The following MYO10 variants were observed in gnomAD, a reference collection of about 807,000 sequenced individuals.
The protein encoded by MYO10 is myosin X.
MYO10 carries 133 observed loss-of-function variants against 257.3 expected under a neutral mutation model. The ratio of observed to expected loss-of-function variants is 0.52; its 90% CI spans 0.45 to 0.60. The LOEUF is 0.60. MYO10 is among the 20% of genes least tolerant of loss of function. The pLI, the probability that MYO10 is intolerant of heterozygous loss-of-function variation, is 0.00. For synonymous variants in MYO10, 1,104 were observed against 1,028.6 expected (o/e 1.07, Z -1.40); for missense variants, 2,399 against 2,635.7 (o/e 0.91, Z 1.97).
At chr5:16,680,823 G>T (rs1337156850) in intron 32 of MYO10, among the ~76,000 whole-genome samples, 1 of 152,044 alleles carries the variant, frequency 6.6e-6, no homozygotes, top group Admixed American at 6.6e-5. Flanking sequence ...GCAAAACCTG[G>T]TCTCCACCAA....
chr5:16,776,302 TTC>T (rs1648914570), intron 9 of MYO10, among the ~76,000 whole-genome samples: 1 of 151,832 alleles, frequency 6.6e-6, no homozygotes, highest in Non-Finnish European at 1.5e-5. Flanking sequence ...ACTTTTTTTT[TTC>T]TTTTTCTTTT....
At chr5:16,707,292 GT>G (rs1344511821) in intron 21 of MYO10, among the ~76,000 whole-genome samples, 1 of 152,152 alleles carries the variant, frequency 6.6e-6, no homozygotes, top group Non-Finnish European at 1.5e-5. Flanking sequence ...TACAGAAAGT[GT>G]TTCTGTGAGC....
intron 2 of MYO10, among the ~76,000 whole-genome samples, chr5:16,849,614 G>T (rs1377156987): frequency 2.6e-5 from 4 of 152,160 alleles, no homozygotes; most frequent in African/African-American, 9.7e-5. Flanking sequence ...CCAAATCCTA[G>T]CTGCATGATT....
At chr5:16,762,211 G>A (rs1368145159) in intron 15 of MYO10, 98 bp from the exon 16 acceptor site, 5 of 1,377,762 alleles carry the variant, frequency 3.6e-6, no homozygotes, top group Non-Finnish European at 4.7e-6. Context: ...AAAAGACAGT[G>A]AAAATCATTT....
intron 1 of MYO10, among the ~76,000 whole-genome samples, chr5:16,932,924 C>G (rs927638091): frequency 6.6e-6 from 1 of 152,182 alleles, no homozygotes; most frequent in South Asian, 2.1e-4. Context: ...CATACCACCA[C>G]ACTCAGCTAA....
chr5:16,827,052 A>C (rs1743021281), intron 2 of MYO10, among the ~76,000 whole-genome samples: 1 of 152,180 alleles, frequency 6.6e-6, no homozygotes, highest in Admixed American at 6.5e-5. Context: ...ACCTAACTGC[A>C]AATCTGCCTT....
intron 1 of MYO10, among the ~76,000 whole-genome samples, chr5:16,931,881 T>A (rs985154662): frequency 1.3e-5 from 2 of 152,182 alleles, no homozygotes; most frequent in Admixed American, 1.3e-4. Flanking sequence ...TCCACATTTT[T>A]CTCTAACAAG....
chr5:16,879,751 C>T (rs1391390044), intron 1 of MYO10, among the ~76,000 whole-genome samples: 1 of 152,232 alleles, frequency 6.6e-6, no homozygotes, highest in Non-Finnish European at 1.5e-5. Flanking sequence ...ACAGAGTCAC[C>T]TTAAATGGCC....
chr5:16,736,209 G>A (rs898506569), intron 19 of MYO10, among the ~76,000 whole-genome samples: 1 of 152,184 alleles, frequency 6.6e-6, no homozygotes, highest in African/African-American at 2.4e-5. Flanking sequence ...GCTGTGAGCA[G>A]GCAAGGTGAG....
chr5:16,740,832 T>G (rs1171160593), intron 19 of MYO10, among the ~76,000 whole-genome samples: 1 of 151,982 alleles, frequency 6.6e-6, no homozygotes, highest in Non-Finnish European at 1.5e-5. Flanking sequence ...TTTGCCTCTT[T>G]CTTATGAGGG....
At chr5:16,762,401 G>C (rs1346987879) in intron 15 of MYO10, 144 bp downstream of exon 15, 3 of 740,954 alleles carry the variant, frequency 4.0e-6, no homozygotes, top group Non-Finnish European at 6.5e-6. Flanking sequence ...TTTAGTTCTA[G>C]TAATAGAAGA....
chr5:16,794,568 C>G, intron 4 of MYO10, 78 bp downstream of exon 4: 11 of 1,377,416 alleles, frequency 8.0e-6, no homozygotes, highest in Non-Finnish European at 1.1e-5. Context: ...GGTTAATGCC[C>G]TAAGGAGGCT....
chr5:16,676,979 A>G (rs1040721150), intron 33 of MYO10, among the ~76,000 whole-genome samples: 1 of 152,204 alleles, frequency 6.6e-6, no homozygotes, highest in Non-Finnish European at 1.5e-5. Context: ...GCTGTTTTCT[A>G]TTCTCTCTAT....
chr5:16,772,020 C>A (rs1017747880), intron 9 of MYO10, among the ~76,000 whole-genome samples: 10 of 152,052 alleles, frequency 6.6e-5, no homozygotes, highest in Middle Eastern at 3.4e-3. Context: ...GAAAAAAAAC[C>A]TTTAGAAAAC....
At chr5:16,751,769 C>T (rs1483510041) in intron 19 of MYO10, among the ~76,000 whole-genome samples, 3 of 152,054 alleles carry the variant, frequency 2.0e-5, no homozygotes, top group Non-Finnish European at 2.9e-5. Flanking sequence ...CCGCCCCCAC[C>T]GCTCCCAGCC....
Position 16,676,171 on chromosome 5 carries a change from C to G in MYO10, c.4543-17G>C. ...GCAGTTCTCCTAAAAATAAAGCAAG[C>G]AAGCTTATTGTAAGAAACCTGTATT... On this transcript the variant is annotated splice_polypyrimidine_tract_variant and intron_variant, in intron 33 of 40. Coordinates refer to ENST00000513610, the MANE Select transcript of MYO10 (RefSeq NM_012334.3). 6.2e-7 allele frequency: 1 copy of G among 1,610,382 alleles called. No homozygotes were observed. Among genetic ancestry groups the G allele is most frequent in the South Asian group, 1.1e-5 (1 of 90,162 alleles).
intron 19 of MYO10, among the ~76,000 whole-genome samples, chr5:16,730,487 G>A (rs1241116141): frequency 6.6e-6 from 1 of 152,160 alleles, no homozygotes; most frequent in African/African-American, 2.4e-5. Context: ...TGGAGATATT[G>A]CAAGGCTTGT....
At chr5:16,792,132 CAGAGAGAGAGAG>C (rs1553996647) in intron 4 of MYO10, among the ~76,000 whole-genome samples, 2 of 75,290 alleles carry the variant, frequency 2.7e-5, no homozygotes, top group African/African-American at 7.0e-5. Flanking sequence ...CACACACACA[CAGAGAGAGAGAG>C]AGAGAGAGAG....
At chr5:16,717,530 A>G (rs1379382986) in intron 19 of MYO10, among the ~76,000 whole-genome samples, 1 of 152,252 alleles carries the variant, frequency 6.6e-6, no homozygotes, top group East Asian at 1.9e-4. Flanking sequence ...TCGATAAGAA[A>G]TCAGTTTGCT....
Sources: gnomAD v4.1 joint callset for allele counts (sites outside exome capture counted in the v4.1 genomes callset) on GRCh38, gnomAD v4.1.1 for gene constraint, MANE v1.5 for transcripts, NCBI Gene and HGNC (gene_info 2026-07-23, HGNC 2026-07-21) for gene names.